The following ANKRD44 variants were observed in gnomAD, a reference collection of about 807,000 sequenced individuals.
ANKRD44 encodes the protein serine/threonine-protein phosphatase 6 regulatory ankyrin repeat subunit B.
ANKRD44 carries 35 observed loss-of-function variants against 116.0 expected under a neutral mutation model. The observed-to-expected ratio is 0.30, with a 90% CI of 0.23 to 0.40. The LOEUF (loss-of-function observed/expected upper bound fraction) is 0.40. ANKRD44 is among the 10% of genes least tolerant of loss of function. The pLI, the probability that ANKRD44 is intolerant of heterozygous loss-of-function variation, is 1.00. For missense variants in ANKRD44, 1,014 were observed against 1,242.6 expected (o/e 0.82, Z 2.77); for synonymous variants, 435 against 461.8 (o/e 0.94, Z 0.74).
chr2:197,231,922 A>G (rs1266695906), intron 1 of ANKRD44, among the ~76,000 whole-genome samples: 2 of 152,168 alleles, frequency 1.3e-5, no homozygotes, highest in Admixed American at 1.3e-4. Context: ...ACTGCAAGGG[A>G]CAGGGTAAGA....
chr2:197,099,796 G>T lies in ANKRD44; in HGVS notation c.1100+20C>A. 1 of 1,613,160 alleles carries T rather than the reference G, an allele frequency of 6.2e-7. No individual in the cohort carries two copies. The highest frequency in any genetic ancestry group is 8.5e-7 in the Non-Finnish European group (1 of 1,179,570). On this transcript the variant is annotated intron_variant, in intron 10 of 27. Coordinates refer to ENST00000282272, the MANE Select transcript of ANKRD44 (RefSeq NM_001195144.2). ...TCCCACTTGAGGCAATTATTCCACC[G>T]TATTTTTGCGGTAACCTACTTGGCT...
intron 2 of ANKRD44, among the ~76,000 whole-genome samples, chr2:197,161,081 A>G (rs960770946): frequency 2.0e-5 from 3 of 152,196 alleles, no homozygotes; most frequent in Non-Finnish European, 4.4e-5. Context: ...AGCCAGTGGG[A>G]CAGAAAACCG....
chr2:197,292,897 C>CA (rs1469868917), intron 1 of ANKRD44, among the ~76,000 whole-genome samples: 2 of 152,016 alleles, frequency 1.3e-5, no homozygotes, highest in African/African-American at 4.8e-5. Flanking sequence ...CTCCACAGTA[C>CA]AAAAAAATGG....
At chr2:197,104,199 C>T (rs1402345447) in intron 9 of ANKRD44, among the ~76,000 whole-genome samples, 1 of 152,184 alleles carries the variant, frequency 6.6e-6, no homozygotes, top group African/African-American at 2.4e-5. Flanking sequence ...CGGCTCACTG[C>T]AACCTCCCCT....
intron 8 of ANKRD44, among the ~76,000 whole-genome samples, chr2:197,113,467 TATTA>T (rs2078637392): frequency 1.3e-5 from 2 of 152,212 alleles, no homozygotes; most frequent in South Asian, 4.1e-4. Context: ...CATAAGTAAT[TATTA>T]ATTAAATATA....
chr2:197,034,169 A>G (rs558387456), intron 16 of ANKRD44, among the ~76,000 whole-genome samples: 11 of 151,710 alleles, frequency 7.3e-5, no homozygotes, highest in African/African-American at 2.7e-4. Context: ...TACAGAGATC[A>G]ACCTCAACCT....
chr2:197,080,718 T>C (rs925788011), intron 15 of ANKRD44, among the ~76,000 whole-genome samples: 13 of 152,162 alleles, frequency 8.5e-5, no homozygotes, highest in African/African-American at 2.9e-4. Context: ...ACTCTCTAAC[T>C]TCCTTTCCAC....
At chr2:197,055,380 T>G (rs148322885) in intron 16 of ANKRD44, among the ~76,000 whole-genome samples, 6 of 152,202 alleles carry the variant, frequency 3.9e-5, no homozygotes, top group South Asian at 2.1e-4. Flanking sequence ...CATATATATG[T>G]ATTGCACTCT....
intron 1 of ANKRD44, among the ~76,000 whole-genome samples, chr2:197,244,764 G>A (rs2082155690): frequency 6.6e-6 from 1 of 152,160 alleles, no homozygotes; most frequent in South Asian, 2.1e-4. Flanking sequence ...AAGCAGTGAT[G>A]CTAATTTTCT....
At chr2:197,048,072 C>T (rs1342069865) in intron 16 of ANKRD44, among the ~76,000 whole-genome samples, 2 of 152,140 alleles carry the variant, frequency 1.3e-5, no homozygotes, top group Non-Finnish European at 1.5e-5. Flanking sequence ...TAATAACTTA[C>T]ATCTTAACCC....
chr2:196,974,272 G>A (rs1023410952), intron 21 of ANKRD44, among the ~76,000 whole-genome samples: 2 of 151,868 alleles, frequency 1.3e-5, no homozygotes, highest in African/African-American at 4.8e-5. Flanking sequence ...TTGTAGAGAC[G>A]GGGTTTTGCC....
At position 197,268,455 on chromosome 2, in the gene ANKRD44, C is replaced by T. The variant is rs1574404496; in HGVS notation, c.27+42123G>A. Among the ~76,000 whole-genome samples, 7 of 152,200 alleles carry T rather than the reference C, an allele frequency of 4.6e-5. No individual in the cohort carries two copies. In the South Asian group the frequency reaches 1.4e-3, roughly 31 times the overall value. ...GACTTTCTGTGAACCAAGCACAATG[C>T]TGGCATTCTTCACATTCGTTATCTC... On this transcript the variant is annotated intron_variant, in intron 1 of 27. Coordinates refer to ENST00000282272, the MANE Select transcript of ANKRD44 (RefSeq NM_001195144.2).
At chr2:197,136,557 C>T (rs1574524782) in intron 4 of ANKRD44, 35 bp downstream of exon 4, 1 of 1,586,284 alleles carries the variant, frequency 6.3e-7, no homozygotes, top group Non-Finnish European at 8.7e-7. Context: ...TTTCTAGGCA[C>T]AGTAGGTATT....
chr2:197,056,307 T>C (rs372613608), intron 16 of ANKRD44, among the ~76,000 whole-genome samples: 13 of 152,210 alleles, frequency 8.5e-5, no homozygotes, highest in African/African-American at 1.4e-4. Context: ...TGCTGGGATT[T>C]TGATGAATCT....
At chr2:197,077,853 G>C (rs1245224653) in intron 16 of ANKRD44, 1 of 152,072 alleles carries the variant, frequency 6.6e-6, no homozygotes, top group Non-Finnish European at 1.5e-5. Flanking sequence ...TCATCTCTTT[G>C]TAAATTACAC....
At chr2:197,018,986 C>A (rs2076444202) in intron 17 of ANKRD44, among the ~76,000 whole-genome samples, 1 of 152,172 alleles carries the variant, frequency 6.6e-6, no homozygotes, top group Non-Finnish European at 1.5e-5. Flanking sequence ...TCTGTCACTA[C>A]TAAATCTCAC....
rs148940164 is a variant in ANKRD44, at chr2:197,190,885, A to T, written c.28-3779T>A. Among the ~76,000 whole-genome samples, 350 of 152,310 alleles carry T rather than the reference A, an allele frequency of 2.3e-3. 1 individual carries two copies. The highest frequency in any genetic ancestry group is 8.2e-3 in the African/African-American group (339 of 41,564). Reference sequence around the variant, plus strand: ...GGCATATACAGATATTTCTTTTTAAAGTTTCACACATTTTAGCACTAGCAT... The same window carrying T: ...GGCATATACAGATATTTCTTTTTAATGTTTCACACATTTTAGCACTAGCAT... On this transcript the variant is annotated intron_variant, in intron 1 of 27. Coordinates refer to ENST00000282272, the MANE Select transcript of ANKRD44 (RefSeq NM_001195144.2).
chr2:197,066,605 C>G (rs372492215), intron 16 of ANKRD44, among the ~76,000 whole-genome samples: 2 of 152,118 alleles, frequency 1.3e-5, no homozygotes, highest in Non-Finnish European at 2.9e-5. Flanking sequence ...CAGGATACAA[C>G]ATCAATGTGC....
In ANKRD44 at chr2:197,252,654, A is replaced by T. The variant is rs147405474; in HGVS notation, c.27+57924T>A. On this transcript the variant is annotated intron_variant, in intron 1 of 27. Transcript: ENST00000282272. ...GATCTCCTGACCTCATGATCCGCCC[A>T]CCTCAGCCTGTCTCACGCCAGGCAT... Among the ~76,000 whole-genome samples, 6 of 152,204 alleles carry T rather than the reference A, an allele frequency of 3.9e-5. 1 individual carries two copies. Among genetic ancestry groups the T allele is most frequent in the Non-Finnish European group, 8.8e-5 (6 of 67,992 alleles).
Sources: gnomAD v4.1 joint callset for allele counts (sites outside exome capture counted in the v4.1 genomes callset) on GRCh38, gnomAD v4.1.1 for gene constraint, MANE v1.5 for transcripts, NCBI Gene and HGNC (gene_info 2026-07-23, HGNC 2026-07-21) for gene names.